FKBP3: variants seen among roughly 807,000 people sequenced by gnomAD.
FKBP3 encodes FKBP prolyl isomerase 3.
A neutral mutation model predicts 30.6 loss-of-function variants in FKBP3; 21 were observed. The ratio of observed to expected loss-of-function variants is 0.69; its 90% CI spans 0.49 to 0.99. The LOEUF is 0.99. Ranked by LOEUF, FKBP3 falls within the 50% of genes least tolerant of loss-of-function variation. FKBP3 has a pLI of 0.00. For synonymous variants in FKBP3, 82 were observed against 91.3 expected (o/e 0.90, Z 0.58); for missense variants, 283 against 261.6 (o/e 1.08, Z -0.56).
chr14:45,120,891 CT>C lies in FKBP3; in HGVS notation c.517del (p.Arg173GlufsTer8). The C allele has an allele frequency of 6.2e-7, 1 of 1,612,368 alleles. No individual in the cohort carries two copies. Among genetic ancestry groups the C allele is most frequent in the Non-Finnish European group, 8.5e-7 (1 of 1,178,876 alleles). On this transcript the variant is annotated frameshift_variant, in exon 5 of 7. Coordinates refer to ENST00000396062, the MANE Select transcript of FKBP3 (RefSeq NM_002013.4). LOFTEE classifies it high-confidence loss of function. ...SFKVGVGKVIRGWDEALLTMS... is the reference protein window; with the variant it reads ...SFKVGVGKVIXGWDEALLTMS... ...TCATTGGCATTCTTTACTTACTCCT[CT>C]GATAACTTTGCCTACTCCGACCTTA...
chr14:45,119,908 G>C (rs144861860), intron 5 of FKBP3, among the ~76,000 whole-genome samples: 65 of 152,032 alleles, frequency 4.3e-4, no homozygotes, highest in Admixed American at 1.2e-3. Flanking sequence ...GTATGGTCTC[G>C]ATCTCCTGAC....
At chr14:45,133,922 G>A (rs527728331) in intron 1 of FKBP3, among the ~76,000 whole-genome samples, 97 of 152,302 alleles carry the variant, frequency 6.4e-4, no homozygotes, top group Middle Eastern at 3.4e-3. Context: ...GTTGAGAAAA[G>A]CAAGTTGGAT....
chr14:45,119,212 G>A (rs1884925673), intron 5 of FKBP3, among the ~76,000 whole-genome samples: 1 of 152,094 alleles, frequency 6.6e-6, no homozygotes, highest in Non-Finnish European at 1.5e-5. Context: ...ATGCTGTATT[G>A]AAATGCAACA....
chr14:45,118,087 C>A lies in FKBP3; in HGVS notation c.561G>T (p.Lys187Asn). 1 of 1,608,118 alleles carries A rather than the reference C, an allele frequency of 6.2e-7. No individual in the cohort carries two copies. The highest frequency in any genetic ancestry group is 8.5e-7 in the Non-Finnish European group (1 of 1,178,206). The change falls in exon 6 of 7, where the codon AAG (lysine) becomes AAT (asparagine). Residue 187 changes from lysine (K) to asparagine (N), a missense_variant. Transcript: ENST00000396062. ...ATTCTGGTTCAATCTCCAGTCGAGCCTTTTCTCCTTTACTCATAGTCAAGA... is the reference window on the plus strand; with the variant it reads ...ATTCTGGTTCAATCTCCAGTCGAGCATTTTCTCCTTTACTCATAGTCAAGA... ...EALLTMSKGE[K>N]ARLEIEPEWA...
At chr14:45,122,437 A>G (rs1452363199) in intron 3 of FKBP3, among the ~76,000 whole-genome samples, 4 of 152,226 alleles carry the variant, frequency 2.6e-5, no homozygotes, top group Non-Finnish European at 5.9e-5. Flanking sequence ...TGGATATCCA[A>G]TAATTCATAT....
intron 6 of FKBP3, 61 bp downstream of exon 6, chr14:45,117,967 C>T: frequency 1.6e-6 from 2 of 1,237,786 alleles, no homozygotes; most frequent in South Asian, 2.6e-5. Flanking sequence ...TTCACATCCT[C>T]AAAGGTGATC....
chr14:45,134,255 G>C, intron 1 of FKBP3, 94 bp downstream of exon 1: 2 of 1,025,934 alleles, frequency 1.9e-6, no homozygotes, highest in South Asian at 3.1e-5. Context: ...AGACGAGGGC[G>C]GGGGCACAGA....
At chr14:45,116,985 C>A (rs545491858) in intron 6 of FKBP3, among the ~76,000 whole-genome samples, 1 of 151,950 alleles carries the variant, frequency 6.6e-6, no homozygotes, top group African/African-American at 2.4e-5. Context: ...CCCGCCCCCC[C>A]CACCGAGACA....
At chr14:45,122,794 C>T (rs906858923) in intron 3 of FKBP3, among the ~76,000 whole-genome samples, 6 of 152,034 alleles carry the variant, frequency 3.9e-5, no homozygotes, top group African/African-American at 9.7e-5. Context: ...TGAGCCACCG[C>T]GCCTGGCCTA....
chr14:45,129,230 T>C (rs555629892), intron 3 of FKBP3, among the ~76,000 whole-genome samples: 1 of 152,326 alleles, frequency 6.6e-6, no homozygotes, highest in South Asian at 2.1e-4. Context: ...AATGACAAGA[T>C]TATAATCAAT....
At position 45,120,937 on chromosome 14, in the gene FKBP3, T is replaced by C. The variant is rs761239388; in HGVS notation, c.472A>G (p.Asn158Asp). 1 of 1,613,300 alleles carries C rather than the reference T, an allele frequency of 6.2e-7. No individual in the cohort carries two copies. Among genetic ancestry groups the C allele is most frequent in the Admixed American group, 1.7e-5 (1 of 60,014 alleles). ...ACCTTAAAACTTAAAGGCTTGGCAT[T>C]TTTCTTCTTCTTTGCACCTGTAAAA... ...NIQTSAKKKK[N>D]AKPLSFKVGV... The change falls in exon 5 of 7, where the codon AAT (asparagine) becomes GAT (aspartate). Residue 158 changes from asparagine (N) to aspartate (D), a missense_variant. Coordinates refer to ENST00000396062, the MANE Select transcript of FKBP3 (RefSeq NM_002013.4).
At chr14:45,126,605 A>G (rs1190296637) in intron 3 of FKBP3, among the ~76,000 whole-genome samples, 2 of 152,146 alleles carry the variant, frequency 1.3e-5, no homozygotes, top group Non-Finnish European at 2.9e-5. Context: ...TATATTGAAG[A>G]CCAGTGGTGA....
At chr14:45,116,309 C>T in intron 6 of FKBP3, 57 bp from the exon 7 acceptor site, 1 of 1,287,574 alleles carries the variant, frequency 7.8e-7, no homozygotes. Flanking sequence ...ACCCCCATAA[C>T]CTTAGTGTAG....
chr14:45,119,271 TAAG>T (rs920157289), intron 5 of FKBP3, among the ~76,000 whole-genome samples: 2 of 151,870 alleles, frequency 1.3e-5, no homozygotes, highest in African/African-American at 4.8e-5. Context: ...ATTTGGAAAA[TAAG>T]AATATGGTAG....
chr14:45,116,016 G>C lies in FKBP3; in HGVS notation c.*182C>G, dbSNP rs756425765. 1 of 549,800 alleles carries C rather than the reference G, an allele frequency of 1.8e-6. No individual in the cohort carries two copies. Among genetic ancestry groups the C allele is most frequent in the Non-Finnish European group, 3.3e-6 (1 of 302,920 alleles). 34.1% of individuals were successfully genotyped at this position (549,800 alleles called of 1,614,324 possible). A position where few individuals can be genotyped will look rare whatever the true frequency, so the allele number is the denominator to read the frequency against. On this transcript the variant is annotated 3_prime_UTR_variant, in exon 7 of 7. Transcript: ENST00000396062. ...GCTGTAGGAAAGTATTTTAGACCAG[G>C]GATTCATAAGGGATTTATCTCTCAA...
At position 45,121,543 on chromosome 14, in the gene FKBP3, G is replaced by T; in HGVS notation, c.396C>A (p.His132Gln). ...TNFPKKGDVVHCWYTGTLQDG... is the reference protein window; with the variant it reads ...TNFPKKGDVVQCWYTGTLQDG... ...CTTGTAGTGTTCCTGTATACCAGCA[G>T]TGAACAACATCTCCCTTTTTGGGAA... is the stretch of plus-strand genomic sequence containing the variant. Residue 132 changes from histidine to glutamine, a missense_variant, in exon 4 of 7, where the codon CAC becomes CAA. Coordinates refer to ENST00000396062, the MANE Select transcript of FKBP3 (RefSeq NM_002013.4). The T allele has an allele frequency of 1.2e-6, 2 of 1,613,236 alleles. No individual in the cohort carries two copies. The highest frequency in any genetic ancestry group is 2.2e-5 in the East Asian group (1 of 44,824).
intron 5 of FKBP3, 47 bp from the exon 6 acceptor site, chr14:45,118,172 A>G (rs752375925): frequency 1.8e-6 from 2 of 1,117,628 alleles, no homozygotes; most frequent in Admixed American, 2.1e-5. Context: ...TGCAAAAAGC[A>G]CATGCAATAC....
intron 1 of FKBP3, 94 bp downstream of exon 1, chr14:45,134,255 G>A (rs1487500339): frequency 9.7e-7 from 1 of 1,025,934 alleles, no homozygotes. Flanking sequence ...AGACGAGGGC[G>A]GGGGCACAGA....
intron 5 of FKBP3, among the ~76,000 whole-genome samples, chr14:45,120,667 TA>T (rs1395938121): frequency 1.3e-5 from 2 of 152,206 alleles, no homozygotes. Context: ...TTTAATCTTC[TA>T]AAAACCTTGA....
Sources: allele counts gnomAD v4.1 joint callset (sites outside exome capture counted in the v4.1 genomes callset), GRCh38; gene constraint gnomAD v4.1.1; transcripts MANE v1.5; gene names NCBI Gene and HGNC (gene_info 2026-07-23, HGNC 2026-07-21).